The following PLEKHG1 variants were observed in gnomAD, a reference collection of about 807,000 sequenced individuals.
The protein encoded by PLEKHG1 is pleckstrin homology domain-containing family G member 1.
A neutral mutation model predicts 100.8 loss-of-function variants in PLEKHG1; 44 were observed. The observed-to-expected ratio is 0.44, with a 90% CI of 0.34 to 0.56. The LOEUF (loss-of-function observed/expected upper bound fraction) is 0.56. PLEKHG1 is among the 20% of genes least tolerant of loss of function. PLEKHG1 has a pLI of 0.01. For missense variants in PLEKHG1, 1,545 were observed against 1,720.9 expected (o/e 0.90, Z 1.81); for synonymous variants, 640 against 662.5 (o/e 0.97, Z 0.52).
At chr6:150,676,803 AC>A (rs1186006657) in intron 3 of PLEKHG1, among the ~76,000 whole-genome samples, 16 of 152,170 alleles carry the variant, frequency 1.1e-4, no homozygotes, top group Non-Finnish European at 1.6e-4. Flanking sequence ...TTCCTGAGTC[AC>A]CCACCACCCT....
intron 3 of PLEKHG1, among the ~76,000 whole-genome samples, chr6:150,688,607 A>G (rs1582945996): frequency 1.3e-5 from 2 of 152,184 alleles, no homozygotes; most frequent in Non-Finnish European, 2.9e-5. Flanking sequence ...CTTTGGGATT[A>G]CAGCCATAAG....
At chr6:150,797,348 ACC>A (rs1389034896) in intron 5 of PLEKHG1, among the ~76,000 whole-genome samples, 2 of 152,012 alleles carry the variant, frequency 1.3e-5, no homozygotes, top group Non-Finnish European at 2.9e-5. Flanking sequence ...GTCAGGAGTA[ACC>A]CCAGAAAGCC....
At chr6:150,657,284 G>A (rs201838463) in intron 3 of PLEKHG1, among the ~76,000 whole-genome samples, 2 of 51,324 alleles carry the variant, frequency 3.9e-5, no homozygotes, top group Non-Finnish European at 6.3e-5. Flanking sequence ...ACTGAGCTAA[G>A]GTACTGTGAA....
intron 2 of PLEKHG1, among the ~76,000 whole-genome samples, chr6:150,641,618 A>G (rs530231585): frequency 2.0e-5 from 3 of 152,268 alleles, no homozygotes; most frequent in African/African-American, 7.2e-5. Flanking sequence ...AAAACCAAAG[A>G]TTTCCAGGAA....
At chr6:150,695,726 A>G (rs1780518403) in intron 3 of PLEKHG1, among the ~76,000 whole-genome samples, 1 of 152,220 alleles carries the variant, frequency 6.6e-6, no homozygotes, top group African/African-American at 2.4e-5. Flanking sequence ...AACAAACAAC[A>G]AACAAAAAAG....
At position 150,805,009 on chromosome 6, in the gene PLEKHG1, C is replaced by T. The variant is rs1786975530; in HGVS notation, c.912+268C>T. On this transcript the variant is annotated intron_variant, in intron 7 of 15. Transcript: ENST00000358517. Reference sequence around the variant, plus strand: ...GGAGTGCAATGGCACGATCTCCACTCACCACAACCTCTGCCTCTGGGGTTC... The same window carrying T: ...GGAGTGCAATGGCACGATCTCCACTTACCACAACCTCTGCCTCTGGGGTTC... 2.6e-5 allele frequency among the ~76,000 whole-genome samples: 4 copies of T among 151,770 alleles called. No individual in the cohort carries two copies. In the South Asian group the frequency reaches 6.2e-4, roughly 24 times the overall value.
exon 16 of PLEKHG1, chr6:150,841,124 T>C (rs1777514044): frequency 1.5e-6 from 1 of 653,734 alleles, no homozygotes; most frequent in Non-Finnish European, 2.8e-6. Context: ...GCTGAGTGTC[T>C]TCATGTTTCA....
chr6:150,776,176 G>T (rs1784950907), intron 3 of PLEKHG1, among the ~76,000 whole-genome samples: 1 of 152,090 alleles, frequency 6.6e-6, no homozygotes, highest in Non-Finnish European at 1.5e-5. Context: ...CCCAACTAAG[G>T]GACCTGAGCT....
intron 3 of PLEKHG1, among the ~76,000 whole-genome samples, chr6:150,669,351 C>A (rs1044046696): frequency 3.3e-5 from 5 of 152,106 alleles, no homozygotes; most frequent in Non-Finnish European, 7.4e-5. Flanking sequence ...TTTTGATTGC[C>A]TACCGAGGTC....
chr6:150,689,599 A>C (rs1394860356), intron 3 of PLEKHG1, among the ~76,000 whole-genome samples: 1 of 152,242 alleles, frequency 6.6e-6, no homozygotes, highest in Non-Finnish European at 1.5e-5. Context: ...ATGGTGGCTC[A>C]TGCCTGTAAT....
intron 1 of PLEKHG1, among the ~76,000 whole-genome samples, chr6:150,623,688 G>A (rs552429378): frequency 1.4e-4 from 21 of 152,252 alleles, no homozygotes; most frequent in South Asian, 8.3e-4. Flanking sequence ...GCCTATTCAC[G>A]AGGTTTGTGT....
chr6:150,777,829 C>A (rs1448631620), intron 3 of PLEKHG1, among the ~76,000 whole-genome samples: 4 of 152,268 alleles, frequency 2.6e-5, no homozygotes, highest in Admixed American at 6.5e-5. Flanking sequence ...TCCTGGTGCA[C>A]ATGTGCTGTT....
At chr6:150,799,726 T>C (rs1490883843) in intron 5 of PLEKHG1, among the ~76,000 whole-genome samples, 2 of 152,220 alleles carry the variant, frequency 1.3e-5, no homozygotes, top group African/African-American at 4.8e-5. Context: ...ATTCTAATGG[T>C]TTAATTACGA....
At chr6:150,638,811 A>G (rs1778128830) in intron 2 of PLEKHG1, among the ~76,000 whole-genome samples, 1 of 152,274 alleles carries the variant, frequency 6.6e-6, no homozygotes, top group South Asian at 2.1e-4. Flanking sequence ...AGAAGCTATT[A>G]GAATTCTCTT....
chr6:150,710,521 A>G (rs561457871), intron 3 of PLEKHG1, among the ~76,000 whole-genome samples: 1 of 152,230 alleles, frequency 6.6e-6, no homozygotes, highest in African/African-American at 2.4e-5. Flanking sequence ...TGTCTGGAGG[A>G]GAAAGAAAAG....
At chr6:150,732,879 C>T (rs1782346822) in intron 1 of PLEKHG1, among the ~76,000 whole-genome samples, 1 of 152,232 alleles carries the variant, frequency 6.6e-6, no homozygotes, top group Non-Finnish European at 1.5e-5. Context: ...TGAGCCACCA[C>T]GCCCAGTCTG....
chr6:150,635,703 CTT>C (rs2128564293), intron 1 of PLEKHG1, among the ~76,000 whole-genome samples: 1 of 152,218 alleles, frequency 6.6e-6, no homozygotes, highest in South Asian at 2.1e-4. Context: ...GATTTAACAA[CTT>C]TTCAGGGAGC....
At chr6:150,756,271 G>A (rs566634692) in intron 2 of PLEKHG1, among the ~76,000 whole-genome samples, 38 of 152,168 alleles carry the variant, frequency 2.5e-4, no homozygotes, top group Non-Finnish European at 5.1e-4. Context: ...CATCTGCACG[G>A]TGCCTCTGCC....
chr6:150,646,851 C>T (rs6906716), intron 2 of PLEKHG1, among the ~76,000 whole-genome samples: 23,636 of 152,142 alleles, frequency 0.16, 1,888 homozygotes, highest in South Asian at 0.21. Flanking sequence ...ATCTTCGTTA[C>T]GGACTTAAAT....
Sources: gnomAD v4.1 joint callset for allele counts (sites outside exome capture counted in the v4.1 genomes callset) on GRCh38, gnomAD v4.1.1 for gene constraint, MANE v1.5 for transcripts, NCBI Gene and HGNC (gene_info 2026-07-23, HGNC 2026-07-21) for gene names.